PHF20: variants seen among roughly 807,000 people sequenced by gnomAD.
PHF20 encodes glioma-expressed antigen 2.
PHF20 carries 23 observed loss-of-function variants against 113.5 expected under a neutral mutation model. That is an observed-to-expected ratio of 0.20 (90% CI 0.15 to 0.29). The LOEUF (loss-of-function observed/expected upper bound fraction) is 0.29, where lower values mean the gene tolerates loss of function less well. Among genes scored for constraint, PHF20 ranks in the 10% least tolerant of loss-of-function variants. The pLI, the probability that PHF20 is intolerant of heterozygous loss-of-function variation, is 1.00. For missense variants in PHF20, 943 were observed against 1,219.6 expected (o/e 0.77, Z 3.38); for synonymous variants, 434 against 457.3 (o/e 0.95, Z 0.65).
chr20:35,892,139 C>G (rs951616790), intron 9 of PHF20, among the ~76,000 whole-genome samples: 1 of 151,740 alleles, frequency 6.6e-6, no homozygotes, highest in South Asian at 2.1e-4. Context: ...TTCACTGCAA[C>G]CTTTGCCTCC....
intron 1 of PHF20, among the ~76,000 whole-genome samples, chr20:35,787,072 G>C (rs1457410669): frequency 6.6e-6 from 1 of 150,382 alleles, no homozygotes; most frequent in African/African-American, 2.5e-5. Context: ...GTTCACTGCA[G>C]CCTTGAACCC....
At position 35,931,398 on chromosome 20, in the gene PHF20, G is replaced by A; in HGVS notation, c.2254G>A (p.Val752Met). ...THQLLGDVQR[V>M]IEVLHGLQLK... is the part of the protein sequence containing the mutation. ...CCAGCTTCTTGGTGATGTGCAGAGA[G>A]TGATTGAGGTTCTGCATGGCCTGCA... is the stretch of plus-strand genomic sequence containing the variant. The change falls in exon 15 of 18, where the codon GTG (valine) becomes ATG (methionine). Residue 752 changes from valine to methionine, a missense_variant. This residue lies in a region of PHF20 where 349 missense variants were observed against 412.3 expected (regional missense o/e 0.85). Transcript: ENST00000374012. 6.2e-7 allele frequency: 1 copy of A among 1,613,920 alleles called. No individual in the cohort carries two copies. Among genetic ancestry groups the A allele is most frequent in the Non-Finnish European group, 8.5e-7 (1 of 1,179,920 alleles).
intron 2 of PHF20, among the ~76,000 whole-genome samples, chr20:35,834,391 A>G (rs1420663585): frequency 6.6e-6 from 1 of 151,246 alleles, no homozygotes. Flanking sequence ...AGCTGGGATT[A>G]TAGGCATGCG....
At chr20:35,903,053 C>T (rs1386546182) in intron 10 of PHF20, among the ~76,000 whole-genome samples, 1 of 118,988 alleles carries the variant, frequency 8.4e-6, no homozygotes, top group Non-Finnish European at 1.7e-5. Context: ...TTTTCGTTTC[C>T]TTTCCTTTCC....
intron 5 of PHF20, 131 bp from the exon 6 acceptor site, chr20:35,862,876 AGTGGTG>A: frequency 4.0e-6 from 3 of 748,936 alleles, no homozygotes; most frequent in Non-Finnish European, 6.5e-6. Context: ...GGCTGTTGTC[AGTGGTG>A]CTTTGTATAT....
In PHF20 at chr20:35,914,137, A is replaced by G; in HGVS notation, c.1765A>G (p.Met589Val). 1.2e-6 allele frequency: 2 copies of G among 1,614,182 alleles called. No individual in the cohort carries two copies. Among genetic ancestry groups the G allele is most frequent in the Non-Finnish European group, 1.7e-6 (2 of 1,180,024 alleles). ...CGSSHKPGVH[M>V]SPQLHGPESG... Reference sequence around the variant, plus strand: ...GTCCTCACACAAGCCAGGGGTCCATATGAGCCCGCAGCTTCATGGCCCAGA... The same window carrying G: ...GTCCTCACACAAGCCAGGGGTCCATGTGAGCCCGCAGCTTCATGGCCCAGA... The change falls in exon 12 of 18, where the codon ATG (methionine) becomes GTG (valine). Residue 589 changes from methionine to valine, a missense_variant. Transcript: ENST00000374012.
intron 1 of PHF20, chr20:35,782,349 C>A (rs960235550): frequency 2.0e-5 from 3 of 150,204 alleles, no homozygotes; most frequent in Non-Finnish European, 4.4e-5. Flanking sequence ...GTGACATCAT[C>A]TCAGAGCTGA....
At chr20:35,884,591 G>A (rs947608488) in intron 9 of PHF20, among the ~76,000 whole-genome samples, 7 of 151,988 alleles carry the variant, frequency 4.6e-5, no homozygotes, top group African/African-American at 1.2e-4. Flanking sequence ...TTTTTCCTAC[G>A]TATGTAGATG....
chr20:35,787,996 T>G (rs1280147147), intron 1 of PHF20, among the ~76,000 whole-genome samples: 1 of 151,816 alleles, frequency 6.6e-6, no homozygotes, highest in Non-Finnish European at 1.5e-5. Flanking sequence ...CAGGCTGGTC[T>G]TGAACTCCTG....
At chr20:35,807,079 G>A (rs1313890187) in intron 2 of PHF20, among the ~76,000 whole-genome samples, 1 of 152,108 alleles carries the variant, frequency 6.6e-6, no homozygotes, top group Non-Finnish European at 1.5e-5. Context: ...ACAGGCATGA[G>A]CCACTGCACC....
chr20:35,884,957 A>G (rs1349058463), intron 9 of PHF20, among the ~76,000 whole-genome samples: 1 of 152,092 alleles, frequency 6.6e-6, no homozygotes, highest in African/African-American at 2.4e-5. Context: ...CTGCCTCCCG[A>G]GTAGCTGGAA....
chr20:35,939,090 C>A lies in PHF20; in HGVS notation c.2694C>A (p.Pro898=). Residue 898 remains proline, a synonymous_variant, in exon 16 of 18, where the codon CCC becomes CCA. Transcript: ENST00000374012. The part of the protein sequence containing the change: ...DQDRSKGDSD[P]KPGSPKVKEY... The stretch of plus-strand genomic sequence containing the variant: ...ACAGGAGCAAGGGGGACAGTGACCC[C>A]AAACCCGGCTCCCCAAAGGTATGTG... 1.2e-6 allele frequency: 2 copies of A among 1,607,402 alleles called. No individual in the cohort carries two copies. The highest frequency in any genetic ancestry group is 2.2e-5 in the South Asian group (2 of 90,636).
At chr20:35,878,904 G>C (rs1250580174) in intron 9 of PHF20, among the ~76,000 whole-genome samples, 1 of 152,200 alleles carries the variant, frequency 6.6e-6, no homozygotes, top group Non-Finnish European at 1.5e-5. Context: ...CCTGTTGACT[G>C]AATTACTAGT....
rs1241435511 is a variant in PHF20 at position 35,949,237 on chromosome 20, CGTG to C, written c.*1612_*1614del. 1 of 152,372 alleles carries C rather than the reference CGTG, an allele frequency of 6.6e-6. No individual in the cohort carries two copies. Among genetic ancestry groups the C allele is most frequent in the East Asian group, 1.9e-4 (1 of 5,200 alleles). 9.4% of individuals were successfully genotyped at this position (152,372 alleles called of 1,614,324 possible). ...TCACTGCTAACGTTGGTGTTTCTGG[CGTG>C]GGAAGAAATGCACAGGCGTGCATGG... On this transcript the variant is annotated 3_prime_UTR_variant, in exon 18 of 18. Coordinates refer to ENST00000374012, the MANE Select transcript of PHF20 (RefSeq NM_016436.5).
intron 2 of PHF20, among the ~76,000 whole-genome samples, chr20:35,824,833 C>T (rs1287494301): frequency 6.6e-6 from 1 of 152,144 alleles, no homozygotes; most frequent in Non-Finnish European, 1.5e-5. Context: ...CTGTTCTGGA[C>T]ATTTCATAGA....
intron 10 of PHF20, among the ~76,000 whole-genome samples, chr20:35,902,243 ATGT>A (rs2055111822): frequency 6.6e-6 from 1 of 152,190 alleles, no homozygotes; most frequent in South Asian, 2.1e-4. Flanking sequence ...ACTGGAGATT[ATGT>A]TGAGTAAATG....
chr20:35,851,244 G>A (rs924463311), intron 4 of PHF20, among the ~76,000 whole-genome samples: 1 of 152,082 alleles, frequency 6.6e-6, no homozygotes, highest in African/African-American at 2.4e-5. Flanking sequence ...TGAATGAGCA[G>A]GTAAATCAGC....
chr20:35,857,822 C>G (rs1174371429), intron 4 of PHF20, among the ~76,000 whole-genome samples: 2 of 151,906 alleles, frequency 1.3e-5, no homozygotes, highest in African/African-American at 4.8e-5. Flanking sequence ...CTGACCTTGT[C>G]ATCCGCCTGC....
At position 35,841,547 on chromosome 20, in the gene PHF20, G is replaced by A. The variant is rs59086976; in HGVS notation, c.84-1026G>A. ...AGCACTTTGGGAGGCTGAGGTGGGC[G>A]GATCATGAGGTCAAGAGATCGAGAC... On this transcript the variant is annotated intron_variant, in intron 2 of 17. Coordinates refer to ENST00000374012, the MANE Select transcript of PHF20 (RefSeq NM_016436.5). 2.4e-4 allele frequency among the ~76,000 whole-genome samples: 36 copies of A among 152,074 alleles called. No individual in the cohort carries two copies. In the East Asian group the frequency reaches 6.8e-3, roughly 29 times the overall value.
Sources: allele counts gnomAD v4.1 joint callset (sites outside exome capture counted in the v4.1 genomes callset), GRCh38; gene constraint gnomAD v4.1.1; regional missense constraint gnomAD v4.1.1; transcripts MANE v1.5; gene names NCBI Gene and HGNC (gene_info 2026-07-23, HGNC 2026-07-21).